RBFOX3: variants seen among roughly 807,000 people sequenced by gnomAD.
The protein encoded by RBFOX3 is RNA binding fox-1 homolog 3.
Under a neutral mutation model 48.7 loss-of-function variants are expected in RBFOX3, and 17 were observed. That is an observed-to-expected ratio of 0.35 (90% CI 0.24 to 0.52). The LOEUF (loss-of-function observed/expected upper bound fraction) is 0.52, where lower values mean the gene tolerates loss of function less well. Among genes scored for constraint, RBFOX3 ranks in the 20% least tolerant of loss-of-function variants. RBFOX3 has a pLI of 0.94. For synonymous variants in RBFOX3, 212 were observed against 209.5 expected, an observed-to-expected ratio of 1.01 and a Z score of -0.10; for missense variants, 382 against 497.5, an observed-to-expected ratio of 0.77 and a Z score of 2.21.
Position 79,090,765 on chromosome 17 carries a change from G to C in RBFOX3, c.*118C>G. On this transcript the variant is annotated 3_prime_UTR_variant, in exon 15 of 15. Transcript: ENST00000693108. Reference sequence around the variant, plus strand: ...ACTTGGTTGGATGCCTCTTGGTTTGGTTGGTTTTTTTTTTGTTGCTTGGAT... The same window carrying C: ...ACTTGGTTGGATGCCTCTTGGTTTGCTTGGTTTTTTTTTTGTTGCTTGGAT... The C allele has an allele frequency of 7.8e-7, 1 of 1,275,208 alleles. No homozygotes were observed. The highest frequency in any genetic ancestry group is 1.1e-6 in the Non-Finnish European group (1 of 940,704). The allele number at this position is 1,275,208 out of a possible 1,614,324, so 79.0% of individuals were successfully genotyped here.
chr17:79,110,885 G>A lies in RBFOX3; in HGVS notation c.223-4097C>T, dbSNP rs374372498. ...CATCTCAGCTGAGCCTCACTGTGGC[G>A]TTGCTTTGGGGACCAGCGCCTCCTC... On this transcript the variant is annotated intron_variant, in intron 5 of 14. Coordinates refer to ENST00000693108, the MANE Select transcript of RBFOX3 (RefSeq NM_001350451.2). Among the ~76,000 whole-genome samples, 160 of 152,354 alleles carry A rather than the reference G, an allele frequency of 1.1e-3. 5 individuals carry two copies. The South Asian group carries it at 0.031, about 30-fold the overall frequency.
At position 79,443,106 on chromosome 17, in the gene RBFOX3, C is replaced by A. The variant is rs2071487414; in HGVS notation, c.-175+39348G>T. On this transcript the variant is annotated intron_variant, in intron 2 of 14. Coordinates refer to ENST00000693108, the MANE Select transcript of RBFOX3 (RefSeq NM_001350451.2). The surrounding 1 kb of genome is among the most constrained non-coding windows in gnomAD (Gnocchi z 4.4). Reference sequence around the variant, plus strand: ...GACGAGACAGTGGTGGCCTCTGCCCCTGTGGACAAAACCGGAGCTCAGCCT... The same window carrying A: ...GACGAGACAGTGGTGGCCTCTGCCCATGTGGACAAAACCGGAGCTCAGCCT... Among the ~76,000 whole-genome samples the A allele has an allele frequency of 6.6e-6, 1 of 152,234 alleles. No individual in the cohort carries two copies. Among genetic ancestry groups the A allele is most frequent in the Non-Finnish European group, 1.5e-5 (1 of 68,044 alleles).
intron 2 of RBFOX3, among the ~76,000 whole-genome samples, chr17:79,463,766 ACCACTG>A (rs1339140093): frequency 1.7e-5 from 2 of 118,690 alleles, no homozygotes; most frequent in African/African-American, 3.2e-5. Flanking sequence ...TACCGCCATC[ACCACTG>A]CCACTGCCAC....
At chr17:79,606,632 C>T (rs1778398098) in intron 1 of RBFOX3, among the ~76,000 whole-genome samples, 1 of 152,198 alleles carries the variant, frequency 6.6e-6, no homozygotes, top group East Asian at 1.9e-4. Context: ...GTGCATTGCA[C>T]TTAAAAATGT....
At chr17:79,509,366 G>A (rs1055493144) in intron 1 of RBFOX3, among the ~76,000 whole-genome samples, 31 of 151,984 alleles carry the variant, frequency 2.0e-4, no homozygotes, top group African/African-American at 7.2e-4. Flanking sequence ...ACCCCCTCCA[G>A]CCCCAGAGCA....
chr17:79,509,919 A>G (rs1446441744), intron 1 of RBFOX3, among the ~76,000 whole-genome samples: 1 of 151,110 alleles, frequency 6.6e-6, no homozygotes, highest in Admixed American at 6.6e-5. Flanking sequence ...TTCCAATCCT[A>G]CTTACTTGGG....
chr17:79,144,847 G>A (rs905466894), intron 4 of RBFOX3, among the ~76,000 whole-genome samples: 12 of 152,278 alleles, frequency 7.9e-5, no homozygotes, highest in East Asian at 7.7e-4. Flanking sequence ...CGAGGCAAAC[G>A]CCCTCCCTTC....
At chr17:79,592,213 G>A (rs2145123526) in intron 1 of RBFOX3, among the ~76,000 whole-genome samples, 1 of 150,524 alleles carries the variant, frequency 6.6e-6, no homozygotes, top group Non-Finnish European at 1.5e-5. Context: ...ATGCATGCAT[G>A]TGTGTGTGGG....
At chr17:79,513,531 C>T (rs1032015421) in intron 1 of RBFOX3, among the ~76,000 whole-genome samples, 275 of 152,260 alleles carry the variant, frequency 1.8e-3, no homozygotes, top group African/African-American at 6.2e-3. Context: ...CTCCTGTGGA[C>T]CCCCATCCCC....
At chr17:79,394,199 G>T (rs2061709030) in intron 2 of RBFOX3, among the ~76,000 whole-genome samples, 1 of 152,232 alleles carries the variant, frequency 6.6e-6, no homozygotes, top group African/African-American at 2.4e-5. Flanking sequence ...CCTCGCCTGT[G>T]GGCTGAGATC....
At position 79,097,321 on chromosome 17, in the gene RBFOX3, T is replaced by C. The variant is rs562597217; in HGVS notation, c.726A>G (p.Pro242=). The C allele has an allele frequency of 6.5e-7, 1 of 1,530,228 alleles. No individual in the cohort carries two copies. Among genetic ancestry groups the C allele is most frequent in the African/African-American group, 1.4e-5 (1 of 71,412 alleles). The allele number at this position is 1,530,228 out of a possible 1,614,324, so 94.8% of individuals were successfully genotyped here. A position where few individuals can be genotyped will look rare whatever the true frequency, so the allele number is the denominator to read the frequency against. ...RAVYNTFRAA[P]PPPPIPTYGA... is the part of the protein sequence containing the mutation. ...CGTAAGTCGGGATGGGGGGTGGGGGTGGCGCAGCCCGAAATGTATTATACA... is the reference window on the plus strand; with the variant it reads ...CGTAAGTCGGGATGGGGGGTGGGGGCGGCGCAGCCCGAAATGTATTATACA... The change falls in exon 11 of 15, where the codon CCA becomes CCG. Residue 242 remains proline, a synonymous_variant. Coordinates refer to ENST00000693108, the MANE Select transcript of RBFOX3 (RefSeq NM_001350451.2).
chr17:79,450,807 T>C (rs572818076), intron 2 of RBFOX3, among the ~76,000 whole-genome samples: 3 of 152,278 alleles, frequency 2.0e-5, no homozygotes, highest in African/African-American at 7.2e-5. Context: ...AAAATAGCAC[T>C]GTGCAAGGTG....
chr17:79,520,068 G>A (rs1189812559), intron 1 of RBFOX3, among the ~76,000 whole-genome samples: 1 of 152,216 alleles, frequency 6.6e-6, no homozygotes, highest in Non-Finnish European at 1.5e-5. Context: ...TCTCCCCTGT[G>A]CAGTCGAGGA....
At chr17:79,449,700 G>T (rs1284582377) in intron 2 of RBFOX3, among the ~76,000 whole-genome samples, 1 of 150,082 alleles carries the variant, frequency 6.7e-6, no homozygotes, top group African/African-American at 2.4e-5. Context: ...GCTGGTGGAC[G>T]TTACATTCCG....
At chr17:79,541,579 G>A (rs974060605) in intron 1 of RBFOX3, among the ~76,000 whole-genome samples, 39 of 152,164 alleles carry the variant, frequency 2.6e-4, no homozygotes, top group African/African-American at 8.7e-4. Context: ...GAAGGGACAC[G>A]GCTTCTCCCC....
intron 4 of RBFOX3, among the ~76,000 whole-genome samples, chr17:79,180,988 C>T (rs907787299): frequency 3.3e-5 from 5 of 152,178 alleles, no homozygotes. Flanking sequence ...CTGGAGAAAT[C>T]GGGGTGTCTT....
At position 79,471,720 on chromosome 17, in the gene RBFOX3, T is replaced by C. The variant is rs1163220998; in HGVS notation, c.-175+10734A>G. 3.3e-5 allele frequency among the ~76,000 whole-genome samples: 5 copies of C among 152,218 alleles called. No individual in the cohort carries two copies. Among genetic ancestry groups the C allele is most frequent in the Non-Finnish European group, 7.3e-5 (5 of 68,042 alleles). Reference sequence around the variant, plus strand: ...ACGTTGTCAGGTGAGTAGCACTGCCTGTGTCCCCATGGCCAGGGCGTGTGC... The same window carrying C: ...ACGTTGTCAGGTGAGTAGCACTGCCCGTGTCCCCATGGCCAGGGCGTGTGC... On this transcript the variant is annotated intron_variant, in intron 2 of 14. Transcript: ENST00000693108. This position sits in a 1 kb window ranked among gnomAD's most constrained non-coding sequence, Gnocchi z 4.0.
chr17:79,259,337 C>T lies in RBFOX3; in HGVS notation c.-73-23532G>A, dbSNP rs565915093. Among the ~76,000 whole-genome samples the T allele has an allele frequency of 2.0e-5, 3 of 152,330 alleles. No individual in the cohort carries two copies. The South Asian group carries it at 6.2e-4, about 32-fold the overall frequency. ...TCGGGTAGGGTCCACCTGCAGGACC[C>T]GCAGCCCTGTGGCAAGAGGGTGTGT... is the stretch of plus-strand genomic sequence containing the variant. On this transcript the variant is annotated intron_variant, in intron 3 of 14. Coordinates refer to ENST00000693108, the MANE Select transcript of RBFOX3 (RefSeq NM_001350451.2).
At chr17:79,417,104 G>A (rs574449682) in intron 2 of RBFOX3, among the ~76,000 whole-genome samples, 3 of 152,342 alleles carry the variant, frequency 2.0e-5, no homozygotes, top group Admixed American at 2.0e-4. Flanking sequence ...GGGTGGAAGG[G>A]GCAGCCAGGT....
Sources: allele counts gnomAD v4.1 joint callset (sites outside exome capture counted in the v4.1 genomes callset), GRCh38; gene constraint gnomAD v4.1.1; non-coding constraint Gnocchi (gnomAD v3.1); transcripts MANE v1.5; gene names NCBI Gene and HGNC (gene_info 2026-07-23, HGNC 2026-07-21).